Variants in KLRG1 observed in about 807,000 individuals in gnomAD.
KLRG1 encodes killer cell lectin-like receptor subfamily G member 1.
KLRG1 carries 16 observed loss-of-function variants against 21.8 expected under a neutral mutation model. That is an observed-to-expected ratio of 0.73 (90% confidence interval 0.50 to 1.11). KLRG1 has a LOEUF of 1.11. KLRG1 is among the 50% of genes most tolerant of loss of function. The pLI, the probability that KLRG1 is intolerant of heterozygous loss-of-function variation, is 0.00. For synonymous variants in KLRG1, 69 were observed against 75.9 expected (o/e 0.91, Z 0.47); for missense variants, 173 against 218.3 (o/e 0.79, Z 1.31).
chr12:9,169,173 T>C, the KLRG1 span, among the ~76,000 whole-genome samples: 2 of 94,500 alleles, frequency 2.1e-5, no homozygotes, highest in South Asian at 5.0e-4. Context: ...TATTTTTTGG[T>C]TTGCAAATAA....
chr12:9,202,401 G>C, the KLRG1 span: 1 of 1,614,084 alleles, frequency 6.2e-7, no homozygotes, highest in Middle Eastern at 1.7e-4. Flanking sequence ...ATAAGATTCA[G>C]ACATGATAAA....
At chr12:9,056,436 A>G in the KLRG1 span, among the ~76,000 whole-genome samples, 1 of 152,214 alleles carries the variant, frequency 6.6e-6, no homozygotes. Context: ...TTCTTGTTCC[A>G]TATTTGCTTC....
At position 9,009,503 on chromosome 12, in the gene KLRG1, C is replaced by A. The variant is rs755059209; in HGVS notation, c.536C>A (p.Pro179His). The change falls in exon 5 of 5, where the codon CCT becomes CAT. Residue 179 changes from proline (P) to histidine (H), a missense_variant. Physicochemically the swap from Pro to His is moderately conservative, Grantham distance 77 (BLOSUM62 -2). Around this residue, in one of 3 missense-constraint regions of KLRG1, gnomAD observed 26 missense variants for 36.9 expected, o/e 0.70. Transcript: ENST00000356986. Reference protein sequence around the residue: ...NGLQASSCEVPLHWVCKKVRL With the variant: ...NGLQASSCEVHLHWVCKKVRL ...CTTCAAGCCTCAAGCTGTGAAGTTC[C>A]TTTACACTGGGTGTGTAAGAAGGTC... 10 of 1,613,794 alleles carry A rather than the reference C, an allele frequency of 6.2e-6. No individual in the cohort carries two copies. In the South Asian group the frequency reaches 1.1e-4, roughly 18 times the overall value.
At chr12:8,955,849 G>A (rs879586419) in intron 1 of KLRG1, among the ~76,000 whole-genome samples, 16 of 152,130 alleles carry the variant, frequency 1.1e-4, no homozygotes, top group Non-Finnish European at 1.3e-4. Flanking sequence ...AAAGACCGCC[G>A]GAAGCCTGAA....
At chr12:9,014,331 G>A (rs1947670855), downstream of KLRG1, among the ~76,000 whole-genome samples, 1 of 151,930 alleles carries the variant, frequency 6.6e-6, no homozygotes, top group Non-Finnish European at 1.5e-5. Context: ...CAAAGGTCAA[G>A]GATAAAGAAA....
the KLRG1 span, chr12:9,029,062 G>A: frequency 3.8e-6 from 2 of 523,788 alleles, no homozygotes; most frequent in Non-Finnish European, 7.1e-6. Flanking sequence ...CGCTGGTCAG[G>A]CTCTTTAGGA....
the KLRG1 span, chr12:9,072,983 C>G: frequency 2.7e-6 from 2 of 732,568 alleles, no homozygotes; most frequent in East Asian, 2.7e-5. Context: ...TCCCTCACTA[C>G]TTAAATATAG....
the KLRG1 span, chr12:9,037,372 T>C: frequency 6.6e-6 from 1 of 152,298 alleles, no homozygotes; most frequent in Admixed American, 6.5e-5. Flanking sequence ...ATTTTAAATA[T>C]TTAAACAGCT....
At chr12:9,177,240 T>A in the KLRG1 span, among the ~76,000 whole-genome samples, 1 of 152,218 alleles carries the variant, frequency 6.6e-6, no homozygotes, top group Non-Finnish European at 1.5e-5. Flanking sequence ...GCATTAGCTC[T>A]CTTGGATCAC....
the KLRG1 span, chr12:9,203,886 A>G: frequency 6.2e-7 from 1 of 1,614,134 alleles, no homozygotes; most frequent in Non-Finnish European, 8.5e-7. Flanking sequence ...CAGGTGGCTC[A>G]GAAGGACACA....
chr12:9,199,636 T>C, the KLRG1 span, among the ~76,000 whole-genome samples: 1 of 152,112 alleles, frequency 6.6e-6, no homozygotes. Context: ...CAACTGATGA[T>C]CTTCAGCGAA....
At chr12:9,040,367 A>G in the KLRG1 span, among the ~76,000 whole-genome samples, 1 of 152,174 alleles carries the variant, frequency 6.6e-6, no homozygotes, top group African/African-American at 2.4e-5. Context: ...AAGTCAGGAA[A>G]TCTTTCCTTA....
intron 2 of KLRG1, among the ~76,000 whole-genome samples, chr12:8,993,391 C>T (rs911627962): frequency 3.9e-5 from 6 of 151,934 alleles, no homozygotes; most frequent in Non-Finnish European, 8.8e-5. Flanking sequence ...CAGGTTCAAG[C>T]GATTCTCATG....
the KLRG1 span, chr12:9,101,138 A>T: frequency 6.4e-7 from 1 of 1,557,574 alleles, no homozygotes; most frequent in African/African-American, 1.4e-5. Flanking sequence ...TGATGGAAAT[A>T]CTCACTGTCT....
the KLRG1 span, chr12:9,116,340 A>G: frequency 5.4e-6 from 1 of 184,300 alleles, no homozygotes; most frequent in Non-Finnish European, 1.2e-5. Flanking sequence ...TGCCTAACCT[A>G]AATGTTTGAA....
the KLRG1 span, among the ~76,000 whole-genome samples, chr12:9,088,831 T>G: frequency 6.6e-6 from 1 of 152,184 alleles, no homozygotes; most frequent in African/African-American, 2.4e-5. Flanking sequence ...TATGTAAAAC[T>G]CAGTGTTAGA....
chr12:9,075,727 G>A, the KLRG1 span, among the ~76,000 whole-genome samples: 2 of 152,112 alleles, frequency 1.3e-5, no homozygotes, highest in Admixed American at 1.3e-4. Context: ...TATTAGTTAG[G>A]GATACATATG....
chr12:9,115,938 C>T, the KLRG1 span: 41 of 1,088,072 alleles, frequency 3.8e-5, no homozygotes, highest in Admixed American at 6.6e-4. Context: ...CCCAAAGCAA[C>T]TGGGCTTTAT....
At chr12:9,202,447 G>A in the KLRG1 span, 1 of 1,612,112 alleles carries the variant, frequency 6.2e-7, no homozygotes, top group African/African-American at 1.3e-5. Flanking sequence ...GAGGCTACGG[G>A]GCTAGGATAA....
Sources: gnomAD v4.1 joint callset for allele counts (sites outside exome capture counted in the v4.1 genomes callset) on GRCh38, gnomAD v4.1.1 for gene constraint, gnomAD v4.1.1 regional missense constraint, MANE v1.5 for transcripts, NCBI Gene and HGNC (gene_info 2026-07-23, HGNC 2026-07-21) for gene names.